The following PLCD1 variants were observed in gnomAD, a reference collection of about 807,000 sequenced individuals.
PLCD1 encodes the protein 1-phosphatidylinositol 4,5-bisphosphate phosphodiesterase delta-1.
In PLCD1, 71 loss-of-function variants were observed where a neutral mutation model predicts 87.4. The observed-to-expected ratio is 0.81, with a 90% CI of 0.67 to 0.99. PLCD1 has a LOEUF of 0.99. PLCD1 is among the 50% of genes least tolerant of loss of function. The pLI is 0.00. For synonymous variants in PLCD1, 348 were observed against 399.2 expected (o/e 0.87, Z 1.53); for missense variants, 867 against 1,001.5 (o/e 0.87, Z 1.81).
rs373376695 is a variant in PLCD1, at chr3:38,016,657, C to A, written c.262G>T (p.Ala88Ser). The change falls in exon 3 of 15, where the codon GCC becomes TCC. Residue 88 changes from alanine (A) to serine (S), a missense_variant. Physicochemically the swap from Ala to Ser is moderately conservative, Grantham distance 99 (BLOSUM62 1). Coordinates refer to ENST00000334661, the MANE Select transcript of PLCD1 (RefSeq NM_006225.4). The part of the protein sequence containing the change: ...GHRTEGLEKF[A>S]RDVPEDRCFS... ...CAGCGGTCCTCGGGCACATCACGGGCGAACTTCTCCAGACCCTCCGTGCGG... is the reference window on the plus strand; with the variant it reads ...CAGCGGTCCTCGGGCACATCACGGGAGAACTTCTCCAGACCCTCCGTGCGG... The A allele has an allele frequency of 5.6e-6, 9 of 1,597,962 alleles. No individual in the cohort carries two copies. In the African/African-American group the frequency reaches 1.1e-4, roughly 19 times the overall value.
At chr3:38,029,358 T>G in intron 1 of PLCD1, 148 bp downstream of exon 1, 1 of 747,890 alleles carries the variant, frequency 1.3e-6, no homozygotes, top group African/African-American at 1.7e-5. Context: ...GGCTGAGATT[T>G]TCCCAGTCCG....
intron 3 of PLCD1, chr3:38,014,682 G>A (rs925445409): frequency 6.5e-6 from 1 of 153,222 alleles, no homozygotes; most frequent in African/African-American, 2.4e-5. Context: ...AACCCATCAA[G>A]AAAGAGAAAA....
At position 38,007,827 on chromosome 3, in the gene PLCD1, G is replaced by GTTCT. The variant is rs1559369773; in HGVS notation, c.2213_2216dup (p.Asn739LysfsTer63). On this transcript the variant is annotated frameshift_variant, in exon 15 of 15. Coordinates refer to ENST00000334661, the MANE Select transcript of PLCD1 (RefSeq NM_006225.4). LOFTEE classifies it high-confidence loss of function. ...GGGTGGCTGATGGATGCTGGTCCCC[G>GTTCT]TTCTTAGACATGAGGTGGACATGGC... 6.2e-7 allele frequency: 1 copy of GTTCT among 1,614,184 alleles called. No individual in the cohort carries two copies.
At position 38,025,461 on chromosome 3, in the gene PLCD1, C is replaced by A. The variant is rs970422564; in HGVS notation, c.34+4045G>T. Among the ~76,000 whole-genome samples, 2 of 152,164 alleles carry A rather than the reference C, an allele frequency of 1.3e-5. No homozygotes were observed. The highest frequency in any genetic ancestry group is 2.9e-5 in the Non-Finnish European group (2 of 68,022). The stretch of plus-strand genomic sequence containing the variant: ...AGCCTGGGCCAGACACCGAGCCCCC[C>A]CCAAGTATTTTACTTCAATTGCTCA... On this transcript the variant is annotated intron_variant, in intron 1 of 14. Coordinates refer to ENST00000334661, the MANE Select transcript of PLCD1 (RefSeq NM_006225.4). This position sits in a 1 kb window ranked among gnomAD's most constrained non-coding sequence, Gnocchi z 4.0.
At chr3:38,015,407 G>A (rs1265328306) in intron 3 of PLCD1, among the ~76,000 whole-genome samples, 1 of 152,172 alleles carries the variant, frequency 6.6e-6, no homozygotes, top group African/African-American at 2.4e-5. Context: ...AAGTAGATTA[G>A]TGGCTGTCTA....
chr3:38,023,852 A>G (rs940869304), intron 1 of PLCD1, among the ~76,000 whole-genome samples: 1 of 150,302 alleles, frequency 6.7e-6, no homozygotes. Flanking sequence ...ACACACCATC[A>G]CCATCATTAC....
intron 3 of PLCD1, among the ~76,000 whole-genome samples, chr3:38,012,768 T>C (rs56357089): frequency 0.027 from 4,121 of 152,216 alleles, 118 homozygotes; most frequent in African/African-American, 0.076. Context: ...CCACCCGCCT[T>C]GGCCTCCCAA....
chr3:38,024,802 A>G (rs948553076), intron 1 of PLCD1: 25 of 1,203,512 alleles, frequency 2.1e-5, no homozygotes, highest in Non-Finnish European at 2.7e-5. Flanking sequence ...TGGGCTAAGG[A>G]GGGCAGAGTC....
chr3:38,009,870 C>A, intron 8 of PLCD1, 34 bp downstream of exon 8: 2 of 1,601,578 alleles, frequency 1.2e-6, no homozygotes, highest in East Asian at 4.5e-5. Context: ...GGCTCCCCAC[C>A]CTCCCCCAGG....
chr3:38,019,934 C>T (rs969367415), intron 2 of PLCD1, among the ~76,000 whole-genome samples: 2 of 152,182 alleles, frequency 1.3e-5, no homozygotes, highest in Non-Finnish European at 2.9e-5. Context: ...CTGCGGTCCT[C>T]GTTCCATGAC....
chr3:38,028,895 C>T (rs1340567292), intron 1 of PLCD1, among the ~76,000 whole-genome samples: 3 of 152,274 alleles, frequency 2.0e-5, no homozygotes, highest in Non-Finnish European at 2.9e-5. Context: ...GAGACCTGGC[C>T]CTGTCCCCCG....
chr3:38,029,599 C>T lies in PLCD1; in HGVS notation c.-60G>A, dbSNP rs1700343195. The T allele has an allele frequency of 1.9e-5, 28 of 1,501,574 alleles. No individual in the cohort carries two copies. The highest frequency in any genetic ancestry group is 2.4e-5 in the Non-Finnish European group (27 of 1,117,060). 93.0% of individuals were successfully genotyped at this position (1,501,574 alleles called of 1,614,324 possible). A position where few individuals can be genotyped will look rare whatever the true frequency, so the allele number is the denominator to read the frequency against. ...GGACTCACTTGAGTAGCGACAGCAC[C>T]GGCGGCCTGGGGTCCGAGCGGAGTG... On this transcript the variant is annotated 5_prime_UTR_variant, in exon 1 of 15. Transcript: ENST00000334661.
intron 1 of PLCD1, among the ~76,000 whole-genome samples, chr3:38,023,778 G>A (rs1483589413): frequency 6.6e-6 from 1 of 151,656 alleles, no homozygotes; most frequent in Non-Finnish European, 1.5e-5. Context: ...ATCACACGCT[G>A]TCACACTGGG....
intron 3 of PLCD1, among the ~76,000 whole-genome samples, chr3:38,013,902 A>G (rs941943484): frequency 2.0e-5 from 3 of 152,266 alleles, no homozygotes; most frequent in Admixed American, 2.0e-4. Flanking sequence ...AACAGGGCTC[A>G]AAATGTGTCC....
At position 38,012,187 on chromosome 3, in the gene PLCD1, T is replaced by TC. The variant is rs1408682192; in HGVS notation, c.429-515_429-514insG. 1.6e-3 allele frequency among the ~76,000 whole-genome samples: 247 copies of TC among 151,414 alleles called. 2 individuals are homozygous for TC. The highest frequency in any genetic ancestry group is 5.0e-3 in the African/African-American group (208 of 41,232). On this transcript the variant is annotated intron_variant, in intron 3 of 14. Transcript: ENST00000334661. ...CCACGCCTGGCTTTTTTTTTTTTTT[T>TC]TGGGTAGAGACAGGGTCTCCCTATG...
At position 38,009,686 on chromosome 3, in the gene PLCD1, C is replaced by G. The variant is rs768822251; in HGVS notation, c.1413G>C (p.Glu471Asp). The change falls in exon 9 of 15, where the codon GAG (glutamate) becomes GAC (aspartate). Residue 471 changes from glutamate (E) to aspartate (D), a missense_variant. Coordinates refer to ENST00000334661, the MANE Select transcript of PLCD1 (RefSeq NM_006225.4). Reference sequence around the variant, plus strand: ...TGTGCTGCACACGGCTCCTCACTGCCTCATCCTCCATCTCAGCAGCCTCGT... The same window carrying G: ...TGTGCTGCACACGGCTCCTCACTGCGTCATCCTCCATCTCAGCAGCCTCGT... ...DEDEAAEMEDEAVRSRVQHKP... is the reference protein window; with the variant it reads ...DEDEAAEMEDDAVRSRVQHKP... 1 of 1,614,190 alleles carries G rather than the reference C, an allele frequency of 6.2e-7. No homozygotes were observed. Among genetic ancestry groups the G allele is most frequent in the Admixed American group, 1.7e-5 (1 of 60,030 alleles).
At position 38,018,440 on chromosome 3, in the gene PLCD1, C is replaced by T. The variant is rs1405389284; in HGVS notation, c.200-1721G>A. The stretch of plus-strand genomic sequence containing the variant: ...CACTCATGCCTGTTCCTCCTCCTCA[C>T]CCTGCACCTTGGCTCACACTGGGCC... On this transcript the variant is annotated intron_variant, in intron 2 of 14. Transcript: ENST00000334661. This position sits in a 1 kb window ranked among gnomAD's most constrained non-coding sequence, Gnocchi z 5.7. Among the ~76,000 whole-genome samples the T allele has an allele frequency of 6.6e-6, 1 of 152,136 alleles. No homozygotes were observed. Among genetic ancestry groups the T allele is most frequent in the Non-Finnish European group, 1.5e-5 (1 of 68,008 alleles).
rs1559371512 is a variant in PLCD1 at position 38,009,790 on chromosome 3, G to A, written c.1309C>T (p.Leu437=). The change falls in exon 9 of 15, where the codon CTG becomes TTG. Residue 437 remains leucine (L), a synonymous_variant. Coordinates refer to ENST00000334661, the MANE Select transcript of PLCD1 (RefSeq NM_006225.4). The stretch of plus-strand genomic sequence containing the variant: ...AGCCCCCCGAGCTTCTTCCCCTTCA[G>A]CAGGATCTTCCCCTTCAGTTGCTAG... ...SPEQLKGKIL[L]KGKKLGGLLP... The A allele has an allele frequency of 6.2e-7, 1 of 1,613,878 alleles. No individual in the cohort carries two copies. Among genetic ancestry groups the A allele is most frequent in the African/African-American group, 1.3e-5 (1 of 74,928 alleles).
intron 1 of PLCD1, chr3:38,024,579 G>T (rs73060872): frequency 0.02 from 30,507 of 1,510,144 alleles, 404 homozygotes; most frequent in South Asian, 0.025. Context: ...CCAGGAATGG[G>T]AGGGAGGAGC....
Sources: allele counts gnomAD v4.1 joint callset (sites outside exome capture counted in the v4.1 genomes callset), GRCh38; gene constraint gnomAD v4.1.1; non-coding constraint Gnocchi (gnomAD v3.1); transcripts MANE v1.5; gene names NCBI Gene and HGNC (gene_info 2026-07-23, HGNC 2026-07-21).